The following FBXL17 variants were observed in gnomAD, a reference collection of about 807,000 sequenced individuals.
FBXL17 encodes the protein F-box/LRR-repeat protein 17.
In FBXL17, 22 loss-of-function variants were observed where a neutral mutation model predicts 66.2. The ratio of observed to expected loss-of-function variants is 0.33; its 90% CI spans 0.24 to 0.47. FBXL17 has a LOEUF of 0.47. Among genes scored for constraint, FBXL17 ranks in the 20% least tolerant of loss-of-function variants. The pLI is 1.00. For missense variants in FBXL17, 878 were observed against 948.2 expected (o/e 0.93, Z 0.97); for synonymous variants, 474 against 400.5 (o/e 1.18, Z -2.19).
intron 7 of FBXL17, among the ~76,000 whole-genome samples, chr5:108,002,922 GT>G (rs1235711645): frequency 2.8e-4 from 42 of 152,304 alleles, no homozygotes; most frequent in African/African-American, 9.9e-4. Flanking sequence ...GTGATTAACT[GT>G]AAACAGAGAA....
chr5:108,165,122 G>T (rs1374155571), intron 6 of FBXL17, among the ~76,000 whole-genome samples: 1 of 152,120 alleles, frequency 6.6e-6, no homozygotes, highest in Non-Finnish European at 1.5e-5. Flanking sequence ...GTAAAAATTG[G>T]AAATAGTCAG....
chr5:108,012,423 A>G (rs1754209483), intron 7 of FBXL17, among the ~76,000 whole-genome samples: 1 of 152,192 alleles, frequency 6.6e-6, no homozygotes, highest in African/African-American at 2.4e-5. Flanking sequence ...TAAACCTATT[A>G]AGTTCTAGAA....
chr5:108,289,494 C>G (rs1460036694), intron 4 of FBXL17, among the ~76,000 whole-genome samples: 1 of 152,060 alleles, frequency 6.6e-6, no homozygotes, highest in African/African-American at 2.4e-5. Context: ...ATCTCCTCCT[C>G]TACTTTTATT....
intron 7 of FBXL17, among the ~76,000 whole-genome samples, chr5:107,977,237 T>A (rs529172505): frequency 6.6e-6 from 1 of 152,294 alleles, no homozygotes; most frequent in South Asian, 2.1e-4. Flanking sequence ...GAGAAGCAAT[T>A]GTGGTTATCT....
At chr5:108,225,218 TC>T (rs1236697446) in intron 4 of FBXL17, among the ~76,000 whole-genome samples, 1 of 152,222 alleles carries the variant, frequency 6.6e-6, no homozygotes, top group Non-Finnish European at 1.5e-5. Flanking sequence ...TTATCAAGGT[TC>T]ATCCATGTTG....
At chr5:108,340,851 G>A (rs918680009) in intron 4 of FBXL17, among the ~76,000 whole-genome samples, 1 of 152,086 alleles carries the variant, frequency 6.6e-6, no homozygotes, top group Non-Finnish European at 1.5e-5. Context: ...ATAAAAAGAT[G>A]AGCACATATT....
rs1753365963 is a variant in FBXL17 at position 107,993,913 on chromosome 5, A to G, written c.1822+27012T>C. 3.3e-5 allele frequency among the ~76,000 whole-genome samples: 5 copies of G among 152,324 alleles called. No homozygotes were observed. The South Asian group carries it at 1.0e-3, about 32-fold the overall frequency. ...ACCAGATCAAGCTCATTTCAGACTA[A>G]TATCCTTTTTTTAAGAATATACATT... On this transcript the variant is annotated intron_variant, in intron 7 of 8. Transcript: ENST00000542267.
intron 7 of FBXL17, among the ~76,000 whole-genome samples, chr5:107,898,134 A>G (rs1368916127): frequency 6.6e-6 from 1 of 152,198 alleles, no homozygotes; most frequent in African/African-American, 2.4e-5. Context: ...AAGGGTTCCC[A>G]TTACTCAAGA....
chr5:108,079,926 T>C (rs183042197), intron 6 of FBXL17, among the ~76,000 whole-genome samples: 5 of 152,360 alleles, frequency 3.3e-5, no homozygotes, highest in African/African-American at 1.2e-4. Context: ...TGTTTCTACA[T>C]TTTTGTTCAC....
intron 6 of FBXL17, among the ~76,000 whole-genome samples, chr5:108,167,925 C>CA (rs1298941644): frequency 6.6e-6 from 1 of 151,990 alleles, no homozygotes; most frequent in East Asian, 1.9e-4. Flanking sequence ...GGGTCAGAAA[C>CA]GGAAAGACTC....
intron 6 of FBXL17, among the ~76,000 whole-genome samples, chr5:108,053,871 T>C (rs748830814): frequency 6.6e-6 from 1 of 152,072 alleles, no homozygotes; most frequent in Non-Finnish European, 1.5e-5. Context: ...CAAATGCCCA[T>C]CAATGATAGA....
rs146994977 is a variant in FBXL17, at chr5:108,285,596, A to G, written c.1507-61368T>C. On this transcript the variant is annotated intron_variant, in intron 4 of 8. Coordinates refer to ENST00000542267, the MANE Select transcript of FBXL17 (RefSeq NM_001163315.3). ...ATTGTCAATGAGTGGTATTATTTTG[A>G]AAGAAATCTTTTCTTTCTGAGCAAT... Among the ~76,000 whole-genome samples, 425 of 151,922 alleles carry G rather than the reference A, an allele frequency of 2.8e-3. 4 individuals are homozygous for G. Among genetic ancestry groups the G allele is most frequent in the African/African-American group, 9.7e-3 (402 of 41,532 alleles).
At chr5:108,240,911 A>C (rs1320374985) in intron 4 of FBXL17, among the ~76,000 whole-genome samples, 1 of 152,154 alleles carries the variant, frequency 6.6e-6, no homozygotes, top group Admixed American at 6.5e-5. Context: ...TTTGGGAGAA[A>C]GTTAAGAGTC....
chr5:107,929,091 T>C (rs903217469), intron 7 of FBXL17, among the ~76,000 whole-genome samples: 1 of 152,186 alleles, frequency 6.6e-6, no homozygotes, highest in African/African-American at 2.4e-5. Context: ...AATCTCTCTT[T>C]ATCTCAAAGG....
intron 5 of FBXL17, among the ~76,000 whole-genome samples, chr5:108,201,411 G>C (rs2150049305): frequency 6.6e-6 from 1 of 152,120 alleles, no homozygotes; most frequent in Middle Eastern, 3.4e-3. Flanking sequence ...ATCTGCCCAG[G>C]TGCAGTAAAA....
chr5:108,040,041 A>G (rs1746988163), intron 6 of FBXL17, among the ~76,000 whole-genome samples: 1 of 152,180 alleles, frequency 6.6e-6, no homozygotes, highest in Admixed American at 6.5e-5. Context: ...CAAACTTCCC[A>G]AATTATAAAA....
chr5:108,303,045 T>C (rs1326782608), intron 4 of FBXL17, among the ~76,000 whole-genome samples: 4 of 151,878 alleles, frequency 2.6e-5, no homozygotes, highest in Non-Finnish European at 5.9e-5. Flanking sequence ...GCCCTTGGTC[T>C]AAATCTAGTT....
chr5:107,883,202 C>G (rs556713256), intron 7 of FBXL17, among the ~76,000 whole-genome samples: 72 of 152,238 alleles, frequency 4.7e-4, no homozygotes, highest in Admixed American at 7.2e-4. Flanking sequence ...TAACTGCAAC[C>G]CTATTAAGTC....
Position 108,364,925 on chromosome 5 carries a change from C to T in FBXL17, c.1187G>A (p.Cys396Tyr). The change falls in exon 3 of 9, where the codon TGT (cysteine) becomes TAT (tyrosine). Residue 396 changes from cysteine to tyrosine, a missense_variant. Cys to Tyr is a radical substitution (Grantham distance 194, BLOSUM62 -2). Coordinates refer to ENST00000542267, the MANE Select transcript of FBXL17 (RefSeq NM_001163315.3). ...QNIIEINISD[C>Y]RSMSDNGVCV... ...TACGCCATTATCAGACATACTGCGA[C>T]AATCAGAAATGTTGATTTCAATTAT... 1 of 1,612,284 alleles carries T rather than the reference C, an allele frequency of 6.2e-7. No homozygotes were observed. The highest frequency in any genetic ancestry group is 1.7e-5 in the Admixed American group (1 of 59,910).
Sources: gnomAD v4.1 joint callset for allele counts (sites outside exome capture counted in the v4.1 genomes callset) on GRCh38, gnomAD v4.1.1 for gene constraint, MANE v1.5 for transcripts, NCBI Gene and HGNC (gene_info 2026-07-23, HGNC 2026-07-21) for gene names.